Variants in PINX1 observed in about 807,000 individuals in gnomAD.
PINX1 encodes the protein PIN2 (TERF1) interacting telomerase inhibitor 1, also known as PIN2/TERF1-interacting telomerase inhibitor 1.
In PINX1, 34 loss-of-function variants were observed where a neutral mutation model predicts 25.4. The ratio of observed to expected loss-of-function variants is 1.34; its 90% CI spans 1.02 to 1.78. The LOEUF is 1.78. PINX1 is among the 40% of genes most tolerant of loss of function. The probability of loss-of-function intolerance (pLI) is 0.00; values close to 1 mark genes in which losing one functional copy is unlikely to be tolerated. For synonymous variants in PINX1, 197 were observed against 147.7 expected (o/e 1.33, Z -2.42); for missense variants, 592 against 404.9 (o/e 1.46, Z -3.97).
chr8:10,839,823 C>T lies in PINX1; in HGVS notation c.-67G>A, dbSNP rs1586221503. ...CTGCGGCCACTGGGCGGGCTGGAGA[C>T]TCCAGGAGAATCAGGACGTGCGTAA... On this transcript the variant is annotated 5_prime_UTR_variant, in exon 1 of 7. Transcript: ENST00000314787. 4.0e-6 allele frequency: 6 copies of T among 1,496,678 alleles called. No individual in the cohort carries two copies. Among genetic ancestry groups the T allele is most frequent in the African/African-American group, 2.8e-5 (2 of 72,258 alleles). 92.7% of individuals were successfully genotyped at this position (1,496,678 alleles called of 1,614,324 possible). A position where few individuals can be genotyped will look rare whatever the true frequency, so the allele number is the denominator to read the frequency against.
intron 5 of PINX1, 176 bp from the exon 6 acceptor site, chr8:10,820,445 T>C: frequency 1.5e-6 from 1 of 651,284 alleles, no homozygotes; most frequent in Non-Finnish European, 2.8e-6. Flanking sequence ...GTAAACAAAA[T>C]TAATTAAATT....
intron 6 of PINX1, among the ~76,000 whole-genome samples, chr8:10,783,381 G>C (rs187258363): frequency 1.8e-4 from 28 of 152,304 alleles, no homozygotes; most frequent in Non-Finnish European, 3.8e-4. Context: ...AGCACTTACA[G>C]ACTAGCCATC....
chr8:10,812,078 G>A (rs531933344), intron 6 of PINX1, among the ~76,000 whole-genome samples: 1 of 152,136 alleles, frequency 6.6e-6, no homozygotes, highest in Non-Finnish European at 1.5e-5. Context: ...CCAAGGTGAA[G>A]GTAACTTCAC....
intron 6 of PINX1, among the ~76,000 whole-genome samples, chr8:10,819,888 T>A (rs1476393677): frequency 6.6e-6 from 1 of 152,172 alleles, no homozygotes; most frequent in Admixed American, 6.5e-5. Context: ...AAGAGATATT[T>A]TCCCCTCTGA....
Position 10,768,583 on chromosome 8 carries a change from T to A in PINX1, c.472-2667A>T, listed in dbSNP as rs368750919. On this transcript the variant is annotated intron_variant, in intron 6 of 6. Coordinates refer to ENST00000314787, the MANE Select transcript of PINX1 (RefSeq NM_017884.6). ...GAGGGGCCAGCACCCAAGTCCTACT[T>A]CTTCCCAGCAAAGTGCTGGCCACAC... Among the ~76,000 whole-genome samples, 24 of 152,322 alleles carry A rather than the reference T, an allele frequency of 1.6e-4. No homozygotes were observed. The East Asian group carries it at 2.7e-3, about 17-fold the overall frequency.
intron 6 of PINX1, among the ~76,000 whole-genome samples, chr8:10,800,146 T>G (rs977050499): frequency 6.6e-6 from 1 of 152,212 alleles, no homozygotes; most frequent in African/African-American, 2.4e-5. Context: ...CTATCTCCAC[T>G]GTCACTTCCA....
intron 5 of PINX1, chr8:10,825,423 A>G (rs1230525314): frequency 1.9e-6 from 1 of 534,706 alleles, no homozygotes; most frequent in African/African-American, 1.9e-5. Context: ...TGTAATAAGT[A>G]GGTTTCTAAT....
Position 10,826,206 on chromosome 8 carries a change from C to T in PINX1, c.340G>A (p.Glu114Lys), listed in dbSNP as rs1798033290. 2 of 1,597,448 alleles carry T rather than the reference C, an allele frequency of 1.3e-6. No individual in the cohort carries two copies. Among genetic ancestry groups the T allele is most frequent in the Non-Finnish European group, 1.7e-6 (2 of 1,167,802 alleles). Residue 114 changes from glutamate to lysine, a missense_variant, in exon 5 of 7, where the codon GAG (glutamate) becomes AAG (lysine). Coordinates refer to ENST00000314787, the MANE Select transcript of PINX1 (RefSeq NM_017884.6). The stretch of plus-strand genomic sequence containing the variant: ...TTTTTGGAGATTTTGGACTTTTCCT[C>T]AAGGCTAAAAGATTTCTTTTCCTTC... The part of the protein sequence containing the change: ...DKKEKKSFSL[E>K]EKSKISKNRV...
In PINX1 at chr8:10,834,649, G is replaced by T; in HGVS notation, c.129+17C>A. The T allele has an allele frequency of 6.2e-7, 1 of 1,606,484 alleles. No homozygotes were observed. Among genetic ancestry groups the T allele is most frequent in the Non-Finnish European group, 8.5e-7 (1 of 1,177,126 alleles). ...CTTTTCATAGCTCAGATTTTTTTCC[G>T]CTTTTCTCCAAAATACCTTTCCTTT... is the stretch of plus-strand genomic sequence containing the variant. On this transcript the variant is annotated intron_variant, in intron 2 of 6. Transcript: ENST00000314787.
rs1035014036 is a variant in PINX1, at chr8:10,791,460, G to A, written c.472-25544C>T. Among the ~76,000 whole-genome samples, 119 of 152,156 alleles carry A rather than the reference G, an allele frequency of 7.8e-4. 2 individuals carry two copies. Among genetic ancestry groups the A allele is most frequent in the Non-Finnish European group, 3.2e-4 (22 of 68,032 alleles). On this transcript the variant is annotated intron_variant, in intron 6 of 6. Transcript: ENST00000314787. ...TGGCAGCTGCTCCAGGCTCCTGGCC[G>A]TGACGAGGGCTGAGGGGATCAACCC...
intron 6 of PINX1, among the ~76,000 whole-genome samples, chr8:10,786,521 A>T (rs1194414505): frequency 6.6e-6 from 1 of 152,190 alleles, no homozygotes; most frequent in Non-Finnish European, 1.5e-5. Context: ...GCTGCAGCAT[A>T]GGCAGGACCC....
At chr8:10,804,316 G>A (rs2129080708) in intron 6 of PINX1, among the ~76,000 whole-genome samples, 1 of 152,284 alleles carries the variant, frequency 6.6e-6, no homozygotes, top group Admixed American at 6.5e-5. Context: ...ATAAAAACCT[G>A]CCAAATAAAA....
intron 6 of PINX1, among the ~76,000 whole-genome samples, chr8:10,782,249 C>A (rs978699088): frequency 6.6e-6 from 1 of 151,946 alleles, no homozygotes; most frequent in East Asian, 1.9e-4. Flanking sequence ...TACCTTAGCT[C>A]TCTGCACTTC....
intron 6 of PINX1, among the ~76,000 whole-genome samples, chr8:10,775,761 G>A (rs1192319368): frequency 2.0e-5 from 3 of 152,190 alleles, no homozygotes; most frequent in Admixed American, 6.5e-5. Context: ...TGTGATCTAG[G>A]ACAAGTCACC....
intron 2 of PINX1, 35 bp downstream of exon 2, chr8:10,834,631 T>C: frequency 1.2e-6 from 2 of 1,608,228 alleles, no homozygotes; most frequent in Non-Finnish European, 1.7e-6. Flanking sequence ...TCTCTTTTCA[T>C]AGCTCAGATT....
intron 6 of PINX1, among the ~76,000 whole-genome samples, chr8:10,812,831 A>G (rs1586183613): frequency 6.6e-6 from 1 of 152,132 alleles, no homozygotes; most frequent in African/African-American, 2.4e-5. Flanking sequence ...CCTCCCTGAC[A>G]CCGCCCAGCC....
rs149193482 is a variant in PINX1, at chr8:10,812,551, G to A, written c.471+7642C>T. ...TCCTTTTCCTGAGTTGTTACCTTTC[G>A]ATGAATTTCATCAGTCAGTGCTAGT... On this transcript the variant is annotated intron_variant, in intron 6 of 6. Transcript: ENST00000314787. 1.2e-3 allele frequency among the ~76,000 whole-genome samples: 189 copies of A among 152,254 alleles called. 3 individuals are homozygous for A. In the South Asian group the frequency reaches 0.034, roughly 27 times the overall value.
At chr8:10,785,869 T>C (rs1801731895) in intron 6 of PINX1, among the ~76,000 whole-genome samples, 1 of 152,366 alleles carries the variant, frequency 6.6e-6, no homozygotes, top group African/African-American at 2.4e-5. Context: ...CTGAGAATAG[T>C]TCTTTTCTCT....
At chr8:10,832,533 A>T (rs963627811) in intron 3 of PINX1, among the ~76,000 whole-genome samples, 5 of 152,254 alleles carry the variant, frequency 3.3e-5, no homozygotes, top group Non-Finnish European at 7.3e-5. Flanking sequence ...GTGGCTAAAA[A>T]TTTTAGCTCC....
Sources: allele counts gnomAD v4.1 joint callset (sites outside exome capture counted in the v4.1 genomes callset), GRCh38; gene constraint gnomAD v4.1.1; transcripts MANE v1.5; gene names NCBI Gene and HGNC (gene_info 2026-07-23, HGNC 2026-07-21).